Variants in ADAMTS7 observed in about 807,000 individuals in gnomAD.
The protein encoded by ADAMTS7 is A disintegrin and metalloproteinase with thrombospondin motifs 7.
ADAMTS7 carries 89 observed loss-of-function variants against 172.6 expected under a neutral mutation model. The observed-to-expected ratio is 0.52, with a 90% confidence interval of 0.43 to 0.61. The LOEUF (loss-of-function observed/expected upper bound fraction) is 0.61. Ranked by LOEUF, ADAMTS7 falls within the 20% of genes least tolerant of loss-of-function variation. The probability of loss-of-function intolerance (pLI) is 0.00; values close to 1 mark genes in which losing one functional copy is unlikely to be tolerated. For synonymous variants in ADAMTS7, 885 were observed against 978.4 expected (o/e 0.90, Z 1.78); for missense variants, 1,973 against 2,355.6 (o/e 0.84, Z 3.36).
intron 9 of ADAMTS7, chr15:78,777,153 C>T (rs2055359605): frequency 3.5e-6 from 2 of 566,706 alleles, no homozygotes; most frequent in African/African-American, 1.9e-5. Context: ...TAAACAGACC[C>T]TCTCCACAGG....
intron 10 of ADAMTS7, 92 bp from the exon 11 acceptor site, chr15:78,776,425 A>G: frequency 6.6e-7 from 1 of 1,506,652 alleles, no homozygotes; most frequent in Non-Finnish European, 9.0e-7. Context: ...GAAGGCTGCG[A>G]AAGGCACAGA....
rs2055132301 is a variant in ADAMTS7, at chr15:78,765,784, G to A, written c.4127C>T (p.Thr1376Ile). The change falls in exon 19 of 24, where the codon ACA becomes ATA. Residue 1376 changes from threonine (T) to isoleucine (I), a missense_variant. Coordinates refer to ENST00000388820, the MANE Select transcript of ADAMTS7 (RefSeq NM_014272.5). Reference sequence around the variant, plus strand: ...GTTGGCGGGGCTGTCCCAAGCTGGTGTGGACAGCAGCCTAGAGCTCAGGGG... The same window carrying A: ...GTTGGCGGGGCTGTCCCAAGCTGGTATGGACAGCAGCCTAGAGCTCAGGGG... ...EVPLSSRLLSTPAWDSPANSH... is the reference protein window; with the variant it reads ...EVPLSSRLLSIPAWDSPANSH... 1.2e-6 allele frequency: 2 copies of A among 1,607,790 alleles called. No homozygotes were observed. Among genetic ancestry groups the A allele is most frequent in the African/African-American group, 1.3e-5 (1 of 74,954 alleles).
rs770943262 is a variant in ADAMTS7, at chr15:78,766,267, T to C, written c.3644A>G (p.Asn1215Ser). 6 of 1,611,622 alleles carry C rather than the reference T, an allele frequency of 3.7e-6. 1 individual carries two copies. Among genetic ancestry groups the C allele is most frequent in the South Asian group, 1.1e-5 (1 of 91,014 alleles). Residue 1215 changes from asparagine (N) to serine (S), a missense_variant, in exon 19 of 24, where the codon AAT becomes AGT. Asn to Ser is a conservative substitution (Grantham distance 46). Coordinates refer to ENST00000388820, the MANE Select transcript of ADAMTS7 (RefSeq NM_014272.5). Reference sequence around the variant, plus strand: ...TTCCTCATCATCCTTGAAAACCTCATTGGTCCTGTCCCGCCATGGAGGGGG... The same window carrying C: ...TTCCTCATCATCCTTGAAAACCTCACTGGTCCTGTCCCGCCATGGAGGGGG... ...QLPPPWRDRT[N>S]EVFKDDEEPK...
intron 1 of ADAMTS7, among the ~76,000 whole-genome samples, chr15:78,810,143 C>T (rs1266611535): frequency 6.6e-6 from 1 of 152,244 alleles, no homozygotes; most frequent in Non-Finnish European, 1.5e-5. Flanking sequence ...AATCCAGTCC[C>T]CCGACTGATG....
Position 78,800,271 on chromosome 15 carries a change from G to T in ADAMTS7, c.377C>A (p.Pro126Gln), listed in dbSNP as rs61754850. 6.3e-7 allele frequency: 1 copy of T among 1,594,880 alleles called. No homozygotes were observed. Residue 126 changes from proline to glutamine, a missense_variant, in exon 2 of 24, where the codon CCG becomes CAG. Physicochemically the swap from Pro to Gln is moderately conservative, Grantham distance 76. Coordinates refer to ENST00000388820, the MANE Select transcript of ADAMTS7 (RefSeq NM_014272.5). ...LGRAHIRAHT[P>Q]ACHLLGEVQD... ...CACCTCGCCAAGCAGGTGGCAGGCC[G>T]GGGTGTGGGCCCGGATGTGCGCGCG...
At chr15:78,761,235 C>T (rs931405654) in intron 23 of ADAMTS7, among the ~76,000 whole-genome samples, 1 of 152,204 alleles carries the variant, frequency 6.6e-6, no homozygotes, top group Non-Finnish European at 1.5e-5. Flanking sequence ...GGAGCTGGCA[C>T]AGGTAGAGAA....
chr15:78,776,064 G>C, intron 11 of ADAMTS7, 124 bp downstream of exon 11: 1 of 1,323,646 alleles, frequency 7.6e-7, no homozygotes, highest in East Asian at 2.6e-5. Flanking sequence ...TGGACACTCG[G>C]ACTGACCATT....
intron 23 of ADAMTS7, among the ~76,000 whole-genome samples, chr15:78,761,152 A>G (rs1486171154): frequency 6.6e-6 from 1 of 152,232 alleles, no homozygotes; most frequent in Non-Finnish European, 1.5e-5. Flanking sequence ...TTGAGGCAGG[A>G]AGACCACCCA....
chr15:78,803,094 G>A (rs888719313), intron 1 of ADAMTS7, among the ~76,000 whole-genome samples: 40 of 152,016 alleles, frequency 2.6e-4, no homozygotes, highest in African/African-American at 8.5e-4. Flanking sequence ...AGGCATAGTC[G>A]TTCATACCTG....
intron 1 of ADAMTS7, among the ~76,000 whole-genome samples, chr15:78,801,531 C>A (rs2055725635): frequency 6.6e-6 from 1 of 152,188 alleles, no homozygotes; most frequent in Non-Finnish European, 1.5e-5. Flanking sequence ...AACTCCCTAG[C>A]TCTCCCTATC....
rs2055109276 is a variant in ADAMTS7 at position 78,764,605 on chromosome 15, G to A, written c.4369C>T (p.Arg1457Cys). ...APAGRPQPAR[R>C]CHLRPCATWH... Reference sequence around the variant, plus strand: ...GTGGCACAGGGCCGCAGGTGGCAGCGGCGGGCAGGCTGGGGCCGGCCAGCG... The same window carrying A: ...GTGGCACAGGGCCGCAGGTGGCAGCAGCGGGCAGGCTGGGGCCGGCCAGCG... The change falls in exon 20 of 24, where the codon CGC becomes TGC. Residue 1457 changes from arginine to cysteine, a missense_variant. Coordinates refer to ENST00000388820, the MANE Select transcript of ADAMTS7 (RefSeq NM_014272.5). 4 of 1,557,222 alleles carry A rather than the reference G, an allele frequency of 2.6e-6. No individual in the cohort carries two copies. Among genetic ancestry groups the A allele is most frequent in the African/African-American group, 1.4e-5 (1 of 74,064 alleles).
chr15:78,796,596 C>T lies in ADAMTS7; in HGVS notation c.813G>A (p.Met271Ile), dbSNP rs1444339293. The T allele has an allele frequency of 6.2e-7, 1 of 1,611,660 alleles. No individual in the cohort carries two copies. ...PQVESYVLTI[M>I]NMVAGLFHDP... ...CTGGCCCACACAGACTCACCATGTTCATGATGGTCAGCACATAGCTCTCAA... is the reference window on the plus strand; with the variant it reads ...CTGGCCCACACAGACTCACCATGTTTATGATGGTCAGCACATAGCTCTCAA... Residue 271 changes from methionine to isoleucine, a missense_variant, in exon 4 of 24, where the codon ATG becomes ATA. By Grantham distance (10) the Met-to-Ile change is conservative (BLOSUM62 1). Transcript: ENST00000388820.
At position 78,790,658 on chromosome 15, in the gene ADAMTS7, C is replaced by A. The variant is rs139681871; in HGVS notation, c.1028+12G>T. On this transcript the variant is annotated intron_variant, in intron 6 of 23. Transcript: ENST00000388820. ...TGAGATGCAGGCTCCCACCCTCCTG[C>A]GGCTGCAGTACCTGGTGAGCAGGAT... 1 of 1,612,696 alleles carries A rather than the reference C, an allele frequency of 6.2e-7. No homozygotes were observed. Among genetic ancestry groups the A allele is most frequent in the African/African-American group, 1.3e-5 (1 of 74,910 alleles).
At chr15:78,806,159 A>C (rs2055794910) in intron 1 of ADAMTS7, among the ~76,000 whole-genome samples, 1 of 136,856 alleles carries the variant, frequency 7.3e-6, no homozygotes, top group Non-Finnish European at 1.6e-5. Flanking sequence ...AAAAAAACAG[A>C]AAAATGGGTG....
chr15:78,782,101 G>T (rs947700082), intron 8 of ADAMTS7, among the ~76,000 whole-genome samples: 4 of 151,406 alleles, frequency 2.6e-5, no homozygotes, highest in Admixed American at 6.6e-5. Context: ...GTGTGATCTT[G>T]GCTCACTGCA....
intron 1 of ADAMTS7, among the ~76,000 whole-genome samples, chr15:78,806,140 A>ACCC (rs1567245929): frequency 7.5e-6 from 1 of 134,216 alleles, no homozygotes; most frequent in African/African-American, 2.9e-5. Flanking sequence ...AAAAAAAAAA[A>ACCC]AAAAAAAAAA....
chr15:78,809,281 T>C (rs1222555513), intron 1 of ADAMTS7, among the ~76,000 whole-genome samples: 1 of 151,966 alleles, frequency 6.6e-6, no homozygotes, highest in South Asian at 2.1e-4. Context: ...TAACATTCAG[T>C]GGTAGGAGGA....
intron 17 of ADAMTS7, 40 bp from the exon 18 acceptor site, chr15:78,767,632 C>G (rs570334810): frequency 6.7e-7 from 1 of 1,498,190 alleles, no homozygotes; most frequent in South Asian, 1.3e-5. Context: ...TGGCATCAGA[C>G]AGGTGGCCTG....
chr15:78,784,616 A>G (rs949850555), intron 8 of ADAMTS7, among the ~76,000 whole-genome samples: 1 of 152,188 alleles, frequency 6.6e-6, no homozygotes, highest in South Asian at 2.1e-4. Flanking sequence ...AAACAGTCCA[A>G]TGAGTGCTCC....
Sources: allele counts gnomAD v4.1 joint callset (sites outside exome capture counted in the v4.1 genomes callset), GRCh38; gene constraint gnomAD v4.1.1; transcripts MANE v1.5; gene names NCBI Gene and HGNC (gene_info 2026-07-23, HGNC 2026-07-21).